Variants in CHRM2 observed in about 807,000 individuals in gnomAD.
CHRM2 encodes the protein cholinergic receptor muscarinic 2, also known as muscarinic acetylcholine receptor M2.
CHRM2 carries 8 observed loss-of-function variants against 25.0 expected under a neutral mutation model. The ratio of observed to expected loss-of-function variants is 0.32; its 90% CI spans 0.19 to 0.58. The LOEUF is 0.58. Among genes scored for constraint, CHRM2 ranks in the 20% least tolerant of loss-of-function variants. The pLI, the probability that CHRM2 is intolerant of heterozygous loss-of-function variation, is 0.88. For synonymous variants in CHRM2, 202 were observed against 205.7 expected, an observed-to-expected ratio of 0.98 and a Z score of 0.15; for missense variants, 440 against 567.1, an observed-to-expected ratio of 0.78 and a Z score of 2.28.
At chr7:136,916,214 CTGAT>C (rs1798101119) in intron 2 of CHRM2, among the ~76,000 whole-genome samples, 1 of 151,762 alleles carries the variant, frequency 6.6e-6, no homozygotes, top group South Asian at 2.1e-4. Flanking sequence ...TAAACGCAGT[CTGAT>C]TAAATGCAGC....
At chr7:136,980,755 T>A (rs1277428586) in intron 2 of CHRM2, among the ~76,000 whole-genome samples, 1 of 152,132 alleles carries the variant, frequency 6.6e-6, no homozygotes, top group Non-Finnish European at 1.5e-5. Flanking sequence ...TATTGATTTG[T>A]GTGTGTTGAA....
At chr7:136,903,283 C>A (rs756517000) in intron 2 of CHRM2, 2 of 530,858 alleles carry the variant, frequency 3.8e-6, no homozygotes, top group Admixed American at 3.9e-5. Flanking sequence ...TCACAAGCAG[C>A]GGACACTTCC....
At chr7:137,004,439 G>A (rs946428513) in intron 3 of CHRM2, among the ~76,000 whole-genome samples, 2 of 152,092 alleles carry the variant, frequency 1.3e-5, no homozygotes, top group Non-Finnish European at 2.9e-5. Flanking sequence ...GTCTAAATGG[G>A]AGACAGGTAT....
intron 2 of CHRM2, among the ~76,000 whole-genome samples, chr7:136,976,677 GGACTA>G (rs1383598894): frequency 6.6e-6 from 1 of 152,108 alleles, no homozygotes; most frequent in Non-Finnish European, 1.5e-5. Flanking sequence ...AGCTTTTGAG[GGACTA>G]GACATTAGCA....
intron 3 of CHRM2, among the ~76,000 whole-genome samples, chr7:136,996,371 A>C (rs1803606158): frequency 6.6e-6 from 1 of 152,110 alleles, no homozygotes; most frequent in African/African-American, 2.4e-5. Context: ...ACAGTATAAA[A>C]CTTCACAAAT....
chr7:136,950,490 G>A (rs535473467), intron 2 of CHRM2, among the ~76,000 whole-genome samples: 3 of 152,222 alleles, frequency 2.0e-5, no homozygotes, highest in African/African-American at 7.2e-5. Flanking sequence ...GCCAGGAAAT[G>A]GATGGTGCCT....
chr7:136,996,101 G>C (rs1285133944), intron 3 of CHRM2, among the ~76,000 whole-genome samples: 1 of 151,708 alleles, frequency 6.6e-6, no homozygotes, highest in African/African-American at 2.4e-5. Context: ...AATGTTTCTG[G>C]AGTGATTTTT....
At chr7:137,000,627 C>T (rs1319310544) in intron 3 of CHRM2, among the ~76,000 whole-genome samples, 3 of 120,328 alleles carry the variant, frequency 2.5e-5, no homozygotes, top group African/African-American at 9.5e-5. Flanking sequence ...TTTTTAAAGG[C>T]TTTCCTTAAC....
At chr7:136,977,992 A>G (rs1802218588) in intron 2 of CHRM2, among the ~76,000 whole-genome samples, 1 of 152,060 alleles carries the variant, frequency 6.6e-6, no homozygotes, top group South Asian at 2.1e-4. Flanking sequence ...CATTTACTGC[A>G]TAGAGAGCCC....
At chr7:136,989,600 T>C (rs1803083269) in intron 2 of CHRM2, among the ~76,000 whole-genome samples, 1 of 152,170 alleles carries the variant, frequency 6.6e-6, no homozygotes, top group Non-Finnish European at 1.5e-5. Flanking sequence ...TATGTCATTA[T>C]TGACTTTTCC....
rs1346565378 is a variant in CHRM2, at chr7:136,994,985, T to C, written c.-47+2721T>C. 2.6e-5 allele frequency among the ~76,000 whole-genome samples: 4 copies of C among 152,110 alleles called. No homozygotes were observed. The East Asian group carries it at 7.7e-4, about 29-fold the overall frequency. On this transcript the variant is annotated intron_variant, in intron 3 of 3. Coordinates refer to ENST00000680005, the MANE Select transcript of CHRM2 (RefSeq NM_001006630.2). ...ATTCAGAGGTGAGAAGGCTGTGGAA[T>C]ACAATTAACTTTAATAAATACAGAA...
intron 2 of CHRM2, among the ~76,000 whole-genome samples, chr7:136,928,940 T>TCTATATGATGCA (rs1471749449): frequency 2.0e-5 from 3 of 152,112 alleles, no homozygotes; most frequent in African/African-American, 7.2e-5. Context: ...AATAAGAGGC[T>TCTATATGATGCA]CTATATGATG....
At chr7:136,993,215 G>GGAGA (rs2131026770) in intron 3 of CHRM2, among the ~76,000 whole-genome samples, 1 of 152,140 alleles carries the variant, frequency 6.6e-6, no homozygotes, top group Admixed American at 6.6e-5. Flanking sequence ...TGAGAGAGAG[G>GGAGA]GAGAGAGAAA....
intron 2 of CHRM2, among the ~76,000 whole-genome samples, chr7:136,917,797 C>T (rs1025613786): frequency 2.0e-5 from 3 of 151,932 alleles, no homozygotes; most frequent in Admixed American, 2.0e-4. Context: ...ACTGATTGGC[C>T]AATAGGCTTA....
intron 3 of CHRM2, among the ~76,000 whole-genome samples, chr7:137,011,229 AT>A (rs1804804310): frequency 7.0e-6 from 1 of 142,002 alleles, no homozygotes; most frequent in South Asian, 2.1e-4. Flanking sequence ...ATATATATAT[AT>A]ATATGGATTT....
intron 2 of CHRM2, among the ~76,000 whole-genome samples, chr7:136,921,898 G>A (rs748594358): frequency 4.0e-5 from 6 of 151,302 alleles, no homozygotes; most frequent in African/African-American, 7.3e-5. Context: ...TCAGCCTCCC[G>A]AGTAGCTGGG....
intron 2 of CHRM2, among the ~76,000 whole-genome samples, chr7:136,919,783 C>T (rs1798322465): frequency 6.6e-6 from 1 of 152,122 alleles, no homozygotes; most frequent in Non-Finnish European, 1.5e-5. Flanking sequence ...ATTTGTTTCA[C>T]ATCCTGCACT....
intron 2 of CHRM2, among the ~76,000 whole-genome samples, chr7:136,966,849 G>C (rs1801447478): frequency 6.6e-6 from 1 of 151,732 alleles, no homozygotes; most frequent in Admixed American, 6.6e-5. Context: ...AAAAATTCTT[G>C]AGAAATTCTT....
chr7:136,889,046 T>C (rs1796586498), intron 2 of CHRM2, among the ~76,000 whole-genome samples: 3 of 26,794 alleles, frequency 1.1e-4, no homozygotes, highest in Non-Finnish European at 1.1e-4. Context: ...AGACTACATC[T>C]CAAAAAAAAA....
Sources: gnomAD v4.1 joint callset for allele counts (sites outside exome capture counted in the v4.1 genomes callset) on GRCh38, gnomAD v4.1.1 for gene constraint, MANE v1.5 for transcripts, NCBI Gene and HGNC (gene_info 2026-07-23, HGNC 2026-07-21) for gene names.